KHNYN: variants seen among roughly 807,000 people sequenced by gnomAD.
The protein encoded by KHNYN is KH and NYN domain containing.
Under a neutral mutation model 62.7 loss-of-function variants are expected in KHNYN, and 42 were observed. The observed-to-expected ratio is 0.67, with a 90% CI of 0.52 to 0.87. The LOEUF (loss-of-function observed/expected upper bound fraction) is 0.87. Ranked by LOEUF, KHNYN falls within the 40% of genes least tolerant of loss-of-function variation. The pLI is 0.00. For missense variants in KHNYN, 829 were observed against 874.1 expected, an observed-to-expected ratio of 0.95 and a Z score of 0.65; for synonymous variants, 347 against 345.6, an observed-to-expected ratio of 1.00 and a Z score of -0.04.
At chr14:24,429,519 A>C, upstream of KHNYN, 1 of 454,950 alleles carries the variant, frequency 2.2e-6, no homozygotes, top group Non-Finnish European at 4.2e-6. Context: ...CCACAAATCA[A>C]CAGCCCTTCT....
At chr14:24,423,203 C>T in the KHNYN span, among the ~76,000 whole-genome samples, 21 of 152,220 alleles carry the variant, frequency 1.4e-4, no homozygotes, top group South Asian at 6.2e-4. Context: ...GATGAGCTGA[C>T]GCCAACTACC....
chr14:24,429,391 G>A (rs1161838471), upstream of KHNYN: 4 of 594,328 alleles, frequency 6.7e-6, no homozygotes, highest in Non-Finnish European at 9.5e-6. Flanking sequence ...GCTGGACCTG[G>A]GGGGATGGAG....
rs2043086399 is a variant in KHNYN at position 24,430,478 on chromosome 14, C to T, written c.-17-236C>T. ...GCTCCGGACTGTGGTCATCCTTTTC[C>T]AAAGCCCAGACGCCCACTCTCGATA... is the stretch of plus-strand genomic sequence containing the variant. On this transcript the variant is annotated intron_variant, in intron 1 of 7. Coordinates refer to ENST00000553935, the MANE Select transcript of KHNYN (RefSeq NM_015299.3). The T allele has an allele frequency of 6.7e-6, 9 of 1,352,158 alleles. No individual in the cohort carries two copies. In the South Asian group the frequency reaches 8.5e-5, roughly 13 times the overall value. The allele number at this position is 1,352,158 out of a possible 1,614,324, so 83.8% of individuals were successfully genotyped here. A position where few individuals can be genotyped will look rare whatever the true frequency, so the allele number is the denominator to read the frequency against.
chr14:24,430,589 C>T (rs2043088646), intron 1 of KHNYN, 125 bp from the exon 2 acceptor site: 2 of 1,442,878 alleles, frequency 1.4e-6, no homozygotes, highest in African/African-American at 2.9e-5. Flanking sequence ...AGATGCTTGT[C>T]ACCTCCTGGG....
At chr14:24,430,588 T>C in intron 1 of KHNYN, 126 bp from the exon 2 acceptor site, 1 of 1,442,872 alleles carries the variant, frequency 6.9e-7, no homozygotes, top group Admixed American at 2.6e-5. Flanking sequence ...CAGATGCTTG[T>C]CACCTCCTGG....
chr14:24,440,098 C>A lies in KHNYN; in HGVS notation c.*2813C>A. ...CACGACCTACTTAGGCTACAATTTC[C>A]TTTAAGGCAGCCCCTAGCTCTGGGA... On this transcript the variant is annotated 3_prime_UTR_variant, in exon 8 of 8. Coordinates refer to ENST00000553935, the MANE Select transcript of KHNYN (RefSeq NM_015299.3). The A allele has an allele frequency of 6.2e-7, 1 of 1,602,212 alleles. No individual in the cohort carries two copies. Among genetic ancestry groups the A allele is most frequent in the Non-Finnish European group, 8.5e-7 (1 of 1,171,544 alleles).
At chr14:24,426,481 A>G (rs1164404165), upstream of KHNYN, 1 of 152,030 alleles carries the variant, frequency 6.6e-6, no homozygotes, top group Non-Finnish European at 1.5e-5. Flanking sequence ...TTTCTTTTCA[A>G]AACCACAAAT....
At chr14:24,436,772 C>G (rs560264704) in intron 7 of KHNYN, among the ~76,000 whole-genome samples, 53 of 152,302 alleles carry the variant, frequency 3.5e-4, no homozygotes, top group African/African-American at 1.2e-3. Flanking sequence ...ATTCAGCATG[C>G]CTTCTGCTGA....
upstream of KHNYN, chr14:24,427,312 T>C (rs577954098): frequency 1.7e-4 from 31 of 185,240 alleles, no homozygotes; most frequent in Admixed American, 3.3e-4. The surrounding 1 kb of genome is among the most constrained non-coding windows in gnomAD (Gnocchi z 4.4). Context: ...GTTCAGCTTC[T>C]GACGGTGCTG....
At chr14:24,428,112 C>T (rs2043041068), upstream of KHNYN, 1 of 1,313,124 alleles carries the variant, frequency 7.6e-7, no homozygotes, top group Non-Finnish European at 1.1e-6. Context: ...GAGGGGCGGC[C>T]AGCATTGGAC....
At chr14:24,428,240 C>T (rs1366738400), upstream of KHNYN, 3 of 1,606,200 alleles carry the variant, frequency 1.9e-6, no homozygotes, top group Non-Finnish European at 2.5e-6. Flanking sequence ...CTTCTTCCCC[C>T]TCCCCACCCT....
chr14:24,425,221 A>G (rs1485667013), upstream of KHNYN, among the ~76,000 whole-genome samples: 4 of 152,132 alleles, frequency 2.6e-5, no homozygotes, highest in African/African-American at 9.7e-5. Context: ...AATAAAAAAC[A>G]ACTTCTAGTT....
In KHNYN at chr14:24,440,932, G is replaced by A. The variant is rs148565611; in HGVS notation, c.*3647G>A. ...CAGACTGGGCTGGTAGTAAGCTGCC[G>A]GTGGAACACAATCATTTGCCCTGGG... On this transcript the variant is annotated 3_prime_UTR_variant, in exon 8 of 8. Transcript: ENST00000553935. The A allele has an allele frequency of 3.2e-4, 509 of 1,613,924 alleles. 1 individual carries two copies. The East Asian group carries it at 8.5e-3, about 27-fold the overall frequency.
chr14:24,431,802 C>T lies in KHNYN; in HGVS notation c.541C>T (p.Gln181Ter), dbSNP rs1283667356. 1 of 1,614,072 alleles carries T rather than the reference C, an allele frequency of 6.2e-7. No homozygotes were observed. Among genetic ancestry groups the T allele is most frequent in the Non-Finnish European group, 8.5e-7 (1 of 1,180,036 alleles). The change falls in exon 3 of 8, where the codon CAG becomes TAG. Residue 181 changes from glutamine (Q) to a stop codon, truncating the protein, a stop_gained. Coordinates refer to ENST00000553935, the MANE Select transcript of KHNYN (RefSeq NM_015299.3). LOFTEE classifies it high-confidence loss of function. ...PGDAHREALLQLPLAVQEELL... is the reference protein window; with the variant it reads ...PGDAHREALL ...GGATGCCCATAGAGAGGCTCTGTTG[C>T]AGTTGCCCCTGGCTGTCCAGGAGGA...
At chr14:24,428,846 C>T (rs2043053240), upstream of KHNYN, 1 of 1,612,212 alleles carries the variant, frequency 6.2e-7, no homozygotes, top group African/African-American at 1.3e-5. Flanking sequence ...TGCCACTCGC[C>T]CAGGGGGTGC....
chr14:24,437,063 T>G lies in KHNYN; in HGVS notation c.1815T>G (p.His605Gln). ...CACAGGGGTCTTCTAAGGCTCAGCA[T>G]CCTTCCAGGGGCTTTGCAGAACATG... ...ARTQGSSKAQHPSRGFAEHGK... is the reference protein window; with the variant it reads ...ARTQGSSKAQQPSRGFAEHGK... Residue 605 changes from histidine to glutamine, a missense_variant, in exon 8 of 8, where the codon CAT (histidine) becomes CAG (glutamine). Transcript: ENST00000553935. This position sits in a 1 kb window ranked among gnomAD's most constrained non-coding sequence, Gnocchi z 5.5. 1 of 1,614,154 alleles carries G rather than the reference T, an allele frequency of 6.2e-7. No homozygotes were observed. The highest frequency in any genetic ancestry group is 8.5e-7 in the Non-Finnish European group (1 of 1,180,006).
In KHNYN at chr14:24,432,874, G is replaced by A. The variant is rs2043145852; in HGVS notation, c.1480+22G>A. 5.0e-6 allele frequency: 8 copies of A among 1,614,116 alleles called. No individual in the cohort carries two copies. The highest frequency in any genetic ancestry group is 1.7e-5 in the Admixed American group (1 of 60,012). ...AGAGGTGAGTTGGGCCTGGTCTTCA[G>A]TGTCCCAGGATAGGCTCTGTTTCCA... is the stretch of plus-strand genomic sequence containing the variant. On this transcript the variant is annotated intron_variant, in intron 4 of 7. Coordinates refer to ENST00000553935, the MANE Select transcript of KHNYN (RefSeq NM_015299.3). This position sits in a 1 kb window ranked among gnomAD's most constrained non-coding sequence, Gnocchi z 5.6.
At chr14:24,428,421 C>A (rs766727186), upstream of KHNYN, 33 of 1,613,286 alleles carry the variant, frequency 2.0e-5, no homozygotes, top group Admixed American at 5.3e-4. Context: ...GGAAGCAGAG[C>A]CTGCTGAGTG....
Position 24,440,205 on chromosome 14 carries a change from C to A in KHNYN, c.*2920C>A, listed in dbSNP as rs372475511. ...AGCAGCATGATGGCACGCTGTCGCC[C>A]AAAGACAGCTTGCACCACAGCGCTG... On this transcript the variant is annotated 3_prime_UTR_variant, in exon 8 of 8. Transcript: ENST00000553935. 35 of 1,613,854 alleles carry A rather than the reference C, an allele frequency of 2.2e-5. No homozygotes were observed. Among genetic ancestry groups the A allele is most frequent in the Non-Finnish European group, 3.0e-5 (35 of 1,179,858 alleles).
Sources: allele counts gnomAD v4.1 joint callset (sites outside exome capture counted in the v4.1 genomes callset), GRCh38; gene constraint gnomAD v4.1.1; non-coding constraint Gnocchi (gnomAD v3.1); transcripts MANE v1.5; gene names NCBI Gene and HGNC (gene_info 2026-07-23, HGNC 2026-07-21).